The following MFSD1 variants were observed in gnomAD, a reference collection of about 807,000 sequenced individuals.
MFSD1 encodes the protein lysosomal dipeptide transporter MFSD1.
MFSD1 carries 59 observed loss-of-function variants against 67.1 expected under a neutral mutation model. The ratio of observed to expected loss-of-function variants is 0.88; its 90% CI spans 0.71 to 1.09. The LOEUF (loss-of-function observed/expected upper bound fraction) is 1.09. MFSD1 is among the 50% of genes least tolerant of loss of function. MFSD1 has a pLI of 0.00. For missense variants in MFSD1, 552 were observed against 566.1 expected (o/e 0.97, Z 0.25); for synonymous variants, 213 against 200.3 (o/e 1.06, Z -0.54).
At chr3:158,815,863 C>G (rs1341092846) in intron 7 of MFSD1, among the ~76,000 whole-genome samples, 1 of 145,914 alleles carries the variant, frequency 6.9e-6, no homozygotes, top group Non-Finnish European at 1.5e-5. Flanking sequence ...TCCAAGTGTT[C>G]TCATTGTTCA....
intron 7 of MFSD1, among the ~76,000 whole-genome samples, chr3:158,816,008 AT>A (rs1173346677): frequency 1.3e-5 from 2 of 152,066 alleles, no homozygotes; most frequent in African/African-American, 2.4e-5. Context: ...GCTGCATCGT[AT>A]TCCATGGTGT....
At position 158,827,300 on chromosome 3, in the gene MFSD1, G is replaced by T; in HGVS notation, c.1357G>T (p.Ala453Ser). ...RAQGGNLNYS[A>S]RQREEIKFSH... is the part of the protein sequence containing the mutation. ...TTTAGGTGGGAACCTAAATTATTCTGCAAGACAAAGGGAAGAAATAAAATT... is the reference window on the plus strand; with the variant it reads ...TTTAGGTGGGAACCTAAATTATTCTTCAAGACAAAGGGAAGAAATAAAATT... Residue 453 changes from alanine (A) to serine (S), a missense_variant, in exon 15 of 16, where the codon GCA becomes TCA. Coordinates refer to ENST00000415822, the MANE Select transcript of MFSD1 (RefSeq NM_022736.4). 6.4e-7 allele frequency: 1 copy of T among 1,553,362 alleles called. No individual in the cohort carries two copies. Among genetic ancestry groups the T allele is most frequent in the Non-Finnish European group, 8.7e-7 (1 of 1,152,174 alleles).
At chr3:158,807,008 TTTCTCA>T (rs886095172) in intron 3 of MFSD1, 26 bp from the exon 4 acceptor site, 1 of 1,577,434 alleles carries the variant, frequency 6.3e-7, no homozygotes, top group Non-Finnish European at 8.6e-7. Flanking sequence ...TCTTTTTCTT[TTTCTCA>T]TTCTCATTCT....
intron 5 of MFSD1, 69 bp downstream of exon 5, chr3:158,807,532 A>G (rs1241049008): frequency 8.5e-6 from 11 of 1,287,854 alleles, no homozygotes; most frequent in Non-Finnish European, 1.2e-5. Context: ...AAAGATCTTT[A>G]AAAAACCTTG....
chr3:158,827,583 T>G (rs1029456068), intron 15 of MFSD1, among the ~76,000 whole-genome samples: 1 of 151,730 alleles, frequency 6.6e-6, no homozygotes, highest in Non-Finnish European at 1.5e-5. Context: ...TCTGGCTAAT[T>G]TTTTGTATTT....
At position 158,802,254 on chromosome 3, in the gene MFSD1, C is replaced by T. The variant is rs772709943; in HGVS notation, c.102C>T (p.Cys34=). Residue 34 remains cysteine (C), a synonymous_variant, in exon 1 of 16, where the codon TGC becomes TGT. Transcript: ENST00000415822. ...PAAPGALPAL[C]DPSRLAHRLL... is the part of the protein sequence containing the mutation. The stretch of plus-strand genomic sequence containing the variant: ...CCCCTGGAGCCCTGCCGGCCCTCTG[C>T]GACCCCAGTCGCCTGGCGCACCGGC... 5 of 1,611,394 alleles carry T rather than the reference C, an allele frequency of 3.1e-6. No individual in the cohort carries two copies. Among genetic ancestry groups the T allele is most frequent in the Non-Finnish European group, 4.2e-6 (5 of 1,178,714 alleles).
intron 11 of MFSD1, 158 bp downstream of exon 11, chr3:158,822,298 A>G: frequency 2.0e-6 from 1 of 489,552 alleles, no homozygotes; most frequent in Non-Finnish European, 3.5e-6. Context: ...TATTTTTTAA[A>G]GTATAATTAT....
At chr3:158,827,976 G>GAGAGAGAGAGACAGAGAGAC (rs1553759912) in intron 15 of MFSD1, among the ~76,000 whole-genome samples, 4 of 78,874 alleles carry the variant, frequency 5.1e-5, no homozygotes, top group African/African-American at 2.0e-4. Flanking sequence ...GAGAGAGAGA[G>GAGAGAGAGAGACAGAGAGAC]AGACAGAGAT....
At chr3:158,812,020 A>G (rs1576902653) in intron 6 of MFSD1, among the ~76,000 whole-genome samples, 2 of 152,356 alleles carry the variant, frequency 1.3e-5, no homozygotes, top group East Asian at 1.9e-4. Flanking sequence ...CAAGTACTCA[A>G]TAAATGTTTG....
chr3:158,802,278 G>A lies in MFSD1; in HGVS notation c.126G>A (p.Arg42=). 6.2e-7 allele frequency: 1 copy of A among 1,611,518 alleles called. No homozygotes were observed. Among genetic ancestry groups the A allele is most frequent in the South Asian group, 1.1e-5 (1 of 90,876 alleles). Residue 42 remains arginine (R), a synonymous_variant, in exon 1 of 16, where the codon CGG becomes CGA. Transcript: ENST00000415822. ...GCGACCCCAGTCGCCTGGCGCACCG[G>A]CTTTTGGTGCTGTTACTGATGTGCT... ...ALCDPSRLAH[R]LLVLLLMCFL...
chr3:158,813,635 C>G (rs969449353), intron 6 of MFSD1, among the ~76,000 whole-genome samples: 1 of 152,072 alleles, frequency 6.6e-6, no homozygotes. Flanking sequence ...TGTGCTTTTT[C>G]TGTTACTGGT....
At chr3:158,821,108 A>G (rs1576912313) in intron 9 of MFSD1, among the ~76,000 whole-genome samples, 1 of 152,192 alleles carries the variant, frequency 6.6e-6, no homozygotes, top group African/African-American at 2.4e-5. Flanking sequence ...CTGGGTTCAA[A>G]GCAAATTCTT....
rs77527024 is a variant in MFSD1 at position 158,818,174 on chromosome 3, A to C, written c.653-1475A>C. On this transcript the variant is annotated intron_variant, in intron 7 of 15. Coordinates refer to ENST00000415822, the MANE Select transcript of MFSD1 (RefSeq NM_022736.4). ...GAGACCTGTGTGATGATAGGGTGAA[A>C]GTTCTGTGCCCAAGATGTGCACATC... Among the ~76,000 whole-genome samples the C allele has an allele frequency of 5.1e-3, 775 of 152,266 alleles. 9 individuals carry two copies. Among genetic ancestry groups the C allele is most frequent in the African/African-American group, 0.018 (751 of 41,544 alleles).
At position 158,802,209 on chromosome 3, in the gene MFSD1, C is replaced by T; in HGVS notation, c.57C>T (p.Ala19=). Residue 19 remains alanine, a synonymous_variant, in exon 1 of 16, where the codon GCC becomes GCT. Coordinates refer to ENST00000415822, the MANE Select transcript of MFSD1 (RefSeq NM_022736.4). ...TCCTGGCAGGCGGCCCTGACGAGGCCGACAGAGGTGCCCCGGCCGCCCCTG... is the reference window on the plus strand; with the variant it reads ...TCCTGGCAGGCGGCCCTGACGAGGCTGACAGAGGTGCCCCGGCCGCCCCTG... ...RALLAGGPDE[A]DRGAPAAPGA... The T allele has an allele frequency of 6.2e-7, 1 of 1,610,724 alleles. No homozygotes were observed.
chr3:158,802,388 G>C, intron 1 of MFSD1, 73 bp downstream of exon 1: 1 of 1,541,704 alleles, frequency 6.5e-7, no homozygotes, highest in Middle Eastern at 1.7e-4. Flanking sequence ...GATCGTCATC[G>C]TGGTCACTGG....
In MFSD1 at chr3:158,819,688, C is replaced by T. The variant is rs1730573778; in HGVS notation, c.692C>T (p.Ala231Val). Residue 231 changes from alanine (A) to valine (V), a missense_variant, in exon 8 of 16, where the codon GCT (alanine) becomes GTT (valine). Coordinates refer to ENST00000415822, the MANE Select transcript of MFSD1 (RefSeq NM_022736.4). Reference protein sequence around the residue: ...TCILSLICALALAYLDQRAER... With the variant: ...TCILSLICALVLAYLDQRAER... ...ATTCTTTCACTAATCTGTGCCTTGG[C>T]TCTTGCCTACTTGGATCAGAGAGCA... The T allele has an allele frequency of 1.9e-6, 3 of 1,606,404 alleles. No homozygotes were observed. The South Asian group carries it at 3.3e-5, about 18-fold the overall frequency.
At chr3:158,821,070 A>T (rs1014124370) in intron 9 of MFSD1, among the ~76,000 whole-genome samples, 2 of 152,208 alleles carry the variant, frequency 1.3e-5, no homozygotes, top group African/African-American at 4.8e-5. Context: ...TCCATTGATT[A>T]GGACTGTAAT....
chr3:158,825,666 C>CG (rs1730930181), intron 13 of MFSD1, among the ~76,000 whole-genome samples: 2 of 152,078 alleles, frequency 1.3e-5, no homozygotes, highest in Non-Finnish European at 2.9e-5. Context: ...GATAAACAAT[C>CG]GGGGGCTGGC....
At chr3:158,813,941 G>GT (rs531096592) in intron 6 of MFSD1, 24 bp from the exon 7 acceptor site, 4,710 of 1,454,204 alleles carry the variant, frequency 3.2e-3, no homozygotes, top group Non-Finnish European at 3.5e-3. Flanking sequence ...AAATGCTGTT[G>GT]TTTTTTTTTC....
Sources: allele counts gnomAD v4.1 joint callset (sites outside exome capture counted in the v4.1 genomes callset), GRCh38; gene constraint gnomAD v4.1.1; transcripts MANE v1.5; gene names NCBI Gene and HGNC (gene_info 2026-07-23, HGNC 2026-07-21).